EDIL3: variants seen among roughly 807,000 people sequenced by gnomAD.
The protein encoded by EDIL3 is EGF-like repeat and discoidin I-like domain-containing protein 3.
Under a neutral mutation model 67.4 loss-of-function variants are expected in EDIL3, and 37 were observed. That is an observed-to-expected ratio of 0.55 (90% CI 0.42 to 0.72). The LOEUF (loss-of-function observed/expected upper bound fraction) is 0.72, where lower values mean the gene tolerates loss of function less well. Among genes scored for constraint, EDIL3 ranks in the 30% least tolerant of loss-of-function variants. The pLI is 0.00. For synonymous variants in EDIL3, 195 were observed against 196.3 expected, an observed-to-expected ratio of 0.99 and a Z score of 0.05; for missense variants, 527 against 586.3, an observed-to-expected ratio of 0.90 and a Z score of 1.04.
intron 1 of EDIL3, among the ~76,000 whole-genome samples, chr5:84,293,560 G>T (rs761169917): frequency 6.6e-6 from 1 of 151,946 alleles, no homozygotes; most frequent in Admixed American, 6.6e-5. Context: ...AGTTCCATCC[G>T]CATGTGTCCC....
chr5:83,966,557 AAG>A (rs903032056), intron 9 of EDIL3, among the ~76,000 whole-genome samples: 8 of 152,044 alleles, frequency 5.3e-5, no homozygotes, highest in African/African-American at 1.9e-4. Context: ...ATTTGATGCT[AAG>A]AGTCAGCCTA....
At chr5:84,276,474 C>G (rs1002611731) in intron 1 of EDIL3, among the ~76,000 whole-genome samples, 1 of 152,080 alleles carries the variant, frequency 6.6e-6, no homozygotes, top group Non-Finnish European at 1.5e-5. Context: ...AACTTTTAAT[C>G]GTTTCCTTCA....
intron 1 of EDIL3, among the ~76,000 whole-genome samples, chr5:84,300,599 A>G (rs917859058): frequency 1.3e-5 from 2 of 152,228 alleles, no homozygotes; most frequent in African/African-American, 2.4e-5. Flanking sequence ...AACATCTATA[A>G]TAAGTAATCA....
chr5:84,216,589 T>C (rs368752940), intron 3 of EDIL3, among the ~76,000 whole-genome samples: 31 of 152,356 alleles, frequency 2.0e-4, no homozygotes, highest in African/African-American at 7.5e-4. Flanking sequence ...CATTTCTTCA[T>C]ATACTTTAAC....
At chr5:84,250,441 TC>T (rs1366603588) in intron 2 of EDIL3, among the ~76,000 whole-genome samples, 2 of 152,204 alleles carry the variant, frequency 1.3e-5, no homozygotes, top group Non-Finnish European at 2.9e-5. Context: ...TGCCAAACTA[TC>T]CTACGTAACA....
chr5:84,133,124 G>A (rs1044117170), intron 5 of EDIL3, among the ~76,000 whole-genome samples: 3 of 151,996 alleles, frequency 2.0e-5, no homozygotes, highest in Non-Finnish European at 2.9e-5. Flanking sequence ...CAATAAATGA[G>A]AACAATCCTA....
chr5:84,230,150 A>G (rs1744541590), intron 2 of EDIL3, among the ~76,000 whole-genome samples: 2 of 152,256 alleles, frequency 1.3e-5, no homozygotes, highest in African/African-American at 2.4e-5. Context: ...TATTTGTTAG[A>G]AAAAAATTGA....
intron 6 of EDIL3, among the ~76,000 whole-genome samples, chr5:84,074,401 G>C (rs926523673): frequency 6.6e-6 from 1 of 152,148 alleles, no homozygotes; most frequent in African/African-American, 2.4e-5. Flanking sequence ...TACCATCAGA[G>C]TGAACATTCA....
chr5:84,217,058 A>G (rs993951942), intron 3 of EDIL3, among the ~76,000 whole-genome samples: 2 of 151,946 alleles, frequency 1.3e-5, no homozygotes, highest in African/African-American at 4.8e-5. Flanking sequence ...GCCTTCCCTG[A>G]GCCAGGAAAT....
At chr5:84,100,085 G>T (rs748320404) in intron 6 of EDIL3, among the ~76,000 whole-genome samples, 8 of 152,162 alleles carry the variant, frequency 5.3e-5, no homozygotes, top group Non-Finnish European at 7.3e-5. Flanking sequence ...AACAGATGCT[G>T]GAGTGGATGT....
chr5:84,263,647 A>T (rs73142660), intron 1 of EDIL3, among the ~76,000 whole-genome samples: 1 of 152,322 alleles, frequency 6.6e-6, no homozygotes, highest in African/African-American at 2.4e-5. Flanking sequence ...GCAGGTTACA[A>T]GTTTAGTGAA....
chr5:84,029,360 G>A (rs1745876139), intron 9 of EDIL3, among the ~76,000 whole-genome samples: 1 of 152,070 alleles, frequency 6.6e-6, no homozygotes, highest in Admixed American at 6.6e-5. Context: ...GCTCCTCCTT[G>A]CCTTCCGCAA....
chr5:84,211,222 T>C (rs1580379145), intron 3 of EDIL3, among the ~76,000 whole-genome samples: 1 of 152,260 alleles, frequency 6.6e-6, no homozygotes, highest in Middle Eastern at 3.4e-3. Context: ...CATGAACAGC[T>C]TGGTGTGCAG....
At chr5:84,331,653 G>A (rs934175669) in intron 1 of EDIL3, among the ~76,000 whole-genome samples, 4 of 152,024 alleles carry the variant, frequency 2.6e-5, no homozygotes, top group African/African-American at 7.3e-5. Context: ...ACCCAGTCTC[G>A]GGTATTTCTT....
intron 1 of EDIL3, among the ~76,000 whole-genome samples, chr5:84,294,911 T>G (rs1342272277): frequency 6.6e-6 from 1 of 152,158 alleles, no homozygotes; most frequent in Non-Finnish European, 1.5e-5. Flanking sequence ...CAACAACAAC[T>G]ACACTTGAAA....
intron 10 of EDIL3, among the ~76,000 whole-genome samples, chr5:83,946,680 C>T (rs529801852): frequency 1.3e-5 from 2 of 151,836 alleles, no homozygotes; most frequent in South Asian, 2.1e-4. Context: ...CTATTCAGGC[C>T]GGTATAGACA....
intron 3 of EDIL3, among the ~76,000 whole-genome samples, chr5:84,202,105 A>G (rs1743854786): frequency 6.6e-6 from 1 of 152,168 alleles, no homozygotes; most frequent in East Asian, 1.9e-4. Flanking sequence ...TTTTCAAGTT[A>G]TAAGTGTCTA....
chr5:84,146,168 A>C (rs1748287599), intron 4 of EDIL3, among the ~76,000 whole-genome samples: 1 of 152,136 alleles, frequency 6.6e-6, no homozygotes, highest in African/African-American at 2.4e-5. Flanking sequence ...TAGATTACTT[A>C]TTATGTACCA....
chr5:84,061,832 G>A (rs778908207), intron 8 of EDIL3, among the ~76,000 whole-genome samples: 1 of 152,052 alleles, frequency 6.6e-6, no homozygotes, highest in Non-Finnish European at 1.5e-5. Flanking sequence ...ATATCAACAA[G>A]TACTCAATAA....
Sources: allele counts gnomAD v4.1 joint callset (sites outside exome capture counted in the v4.1 genomes callset), GRCh38; gene constraint gnomAD v4.1.1; transcripts MANE v1.5; gene names NCBI Gene and HGNC (gene_info 2026-07-23, HGNC 2026-07-21).